The following KIDINS220 variants were observed in gnomAD, a reference collection of about 807,000 sequenced individuals.
The protein encoded by KIDINS220 is kinase D interacting substrate 220.
KIDINS220 carries 63 observed loss-of-function variants against 157.6 expected under a neutral mutation model. The ratio of observed to expected loss-of-function variants is 0.40; its 90% CI spans 0.33 to 0.49. The LOEUF is 0.49. Among genes scored for constraint, KIDINS220 ranks in the 20% least tolerant of loss-of-function variants. The pLI is 0.66. For synonymous variants in KIDINS220, 732 were observed against 783.6 expected (o/e 0.93, Z 1.10); for missense variants, 1,772 against 2,171.2 (o/e 0.82, Z 3.65).
At chr2:8,819,965 C>T (rs1677680416) in intron 2 of KIDINS220, among the ~76,000 whole-genome samples, 1 of 152,204 alleles carries the variant, frequency 6.6e-6, no homozygotes, top group Admixed American at 6.5e-5. Context: ...CACTTAAACA[C>T]CTACTTACTA....
At chr2:8,746,737 G>A (rs1030795641) in intron 26 of KIDINS220, 3 of 166,464 alleles carry the variant, frequency 1.8e-5, no homozygotes, top group African/African-American at 7.2e-5. Context: ...TAGTCTCAAG[G>A]GTGATACTGG....
chr2:8,771,874 G>C (rs1035251830), intron 21 of KIDINS220, among the ~76,000 whole-genome samples: 25 of 152,008 alleles, frequency 1.6e-4, no homozygotes, highest in Admixed American at 6.6e-4. Flanking sequence ...CTATGCTGGA[G>C]ATATACACAC....
rs202036173 is a variant in KIDINS220 at position 8,731,309 on chromosome 2, G to A, written c.4727C>T (p.Ala1576Val). The A allele has an allele frequency of 9.5e-5, 153 of 1,614,064 alleles. 2 individuals carry two copies. In the Middle Eastern group the frequency reaches 9.9e-4, roughly 10 times the overall value. ...FIKAKEYLSD[A>V]LLDKKDSSDS... ...CGATGAATCCTTTTTGTCAAGGAGC[G>A]CATCCGATAAATACTCTTTGGCTTT... is the stretch of plus-strand genomic sequence containing the variant. The change falls in exon 30 of 30, where the codon GCG becomes GTG. Residue 1576 changes from alanine to valine, a missense_variant. By Grantham distance (64) the Ala-to-Val change is moderately conservative (BLOSUM62 0). Transcript: ENST00000256707. This position sits in a 1 kb window ranked among gnomAD's most constrained non-coding sequence, Gnocchi z 5.2.
chr2:8,732,582 T>C (rs1664274285), intron 29 of KIDINS220, among the ~76,000 whole-genome samples: 1 of 152,070 alleles, frequency 6.6e-6, no homozygotes, highest in South Asian at 2.1e-4. Flanking sequence ...GATCCCAGAA[T>C]AGCTAAGAAA....
Position 8,750,167 on chromosome 2 carries a change from G to A in KIDINS220, c.3359C>T (p.Pro1120Leu). 1.2e-6 allele frequency: 2 copies of A among 1,614,198 alleles called. No homozygotes were observed. The highest frequency in any genetic ancestry group is 1.7e-6 in the Non-Finnish European group (2 of 1,180,024). The stretch of plus-strand genomic sequence containing the variant: ...CATGCCGCTGTAATAGCTGCTGTGA[G>A]GCTGTGGTGACACCACTCCACCTGC... ...PFAGGVVSPQ[P>L]HSSYYSGMTG... Residue 1120 changes from proline (P) to leucine (L), a missense_variant, in exon 24 of 30, where the codon CCT (proline) becomes CTT (leucine). By Grantham distance (98) the Pro-to-Leu change is moderately conservative. Transcript: ENST00000256707.
downstream of KIDINS220, chr2:8,724,787 T>C (rs968199726): frequency 4.6e-5 from 7 of 152,196 alleles, no homozygotes; most frequent in African/African-American, 1.7e-4. This position sits in a 1 kb window ranked among gnomAD's most constrained non-coding sequence, Gnocchi z 4.6. Flanking sequence ...CCACCATTCC[T>C]GGCTAATTTT....
At chr2:8,834,879 T>C (rs900840120) in intron 1 of KIDINS220, among the ~76,000 whole-genome samples, 1 of 152,196 alleles carries the variant, frequency 6.6e-6, no homozygotes, top group Non-Finnish European at 1.5e-5. Flanking sequence ...TCTGGCTCTA[T>C]TGCCCAGGAT....
At chr2:8,815,797 C>CT (rs1553335654) in intron 4 of KIDINS220, among the ~76,000 whole-genome samples, 3 of 152,194 alleles carry the variant, frequency 2.0e-5, no homozygotes, top group Non-Finnish European at 4.4e-5. Flanking sequence ...TATAGTGTAG[C>CT]TTTATATTTC....
rs1270249056 is a variant in KIDINS220, at chr2:8,751,506, G to A, written c.3150C>T (p.Cys1050=). ...GTAGTTTGGGATCTAGGTTTACAGT[G>A]CATGGCAAAAAGACTTTTACATCTC... The part of the protein sequence containing the change: ...VARDVKVFLP[C]TVNLDPKLRE... Residue 1050 remains cysteine, a synonymous_variant, in exon 23 of 30, where the codon TGC becomes TGT. Transcript: ENST00000256707. 6.2e-7 allele frequency: 1 copy of A among 1,613,340 alleles called. No homozygotes were observed.
intron 26 of KIDINS220, among the ~76,000 whole-genome samples, chr2:8,743,293 C>T (rs1289085220): frequency 1.3e-5 from 2 of 152,188 alleles, no homozygotes; most frequent in African/African-American, 2.4e-5. Context: ...TGAATCTAAA[C>T]TGATTGGAGT....
At chr2:8,753,177 A>G (rs1315553296) in intron 22 of KIDINS220, among the ~76,000 whole-genome samples, 2 of 152,188 alleles carry the variant, frequency 1.3e-5, no homozygotes, top group East Asian at 3.8e-4. Context: ...TAACAGATGG[A>G]AGGATAAATA....
rs1672954007 is a variant in KIDINS220, at chr2:8,789,875, C to T, written c.1621+5G>A. On this transcript the variant is annotated splice_donor_5th_base_variant and intron_variant, in intron 14 of 29. Transcript: ENST00000256707. ...TTTTGAAAAAGATAAAAAGCAAAGACTTACTAAAGAATATATATAAGAGAG... is the reference window on the plus strand; with the variant it reads ...TTTTGAAAAAGATAAAAAGCAAAGATTTACTAAAGAATATATATAAGAGAG... The T allele has an allele frequency of 6.3e-7, 1 of 1,575,640 alleles. No individual in the cohort carries two copies.
At chr2:8,781,878 T>C (rs1405729983) in intron 17 of KIDINS220, among the ~76,000 whole-genome samples, 1 of 152,150 alleles carries the variant, frequency 6.6e-6, no homozygotes, top group African/African-American at 2.4e-5. Context: ...TCCCAGCACT[T>C]TGGGAGGCCA....
intron 11 of KIDINS220, among the ~76,000 whole-genome samples, chr2:8,795,979 T>C (rs1558440261): frequency 6.6e-6 from 1 of 152,224 alleles, no homozygotes; most frequent in Non-Finnish European, 1.5e-5. Flanking sequence ...CATGTTAACA[T>C]GGTAATGACA....
At position 8,798,317 on chromosome 2, in the gene KIDINS220, AAC is replaced by A. The variant is rs1491087398; in HGVS notation, c.901-19_901-18del. ...TTTATTATCCTAGATAATTAAAAAA[AAC>A]ACAATCACTTCATGTAAGATACAAT... On this transcript the variant is annotated intron_variant, in intron 9 of 29. Coordinates refer to ENST00000256707, the MANE Select transcript of KIDINS220 (RefSeq NM_020738.4). 3.7e-6 allele frequency: 5 copies of A among 1,346,974 alleles called. No homozygotes were observed. In the African/African-American group the frequency reaches 7.2e-5, roughly 19 times the overall value. The allele number at this position is 1,346,974 out of a possible 1,614,324, so 83.4% of individuals were successfully genotyped here.
intron 3 of KIDINS220, 70 bp from the exon 4 acceptor site, chr2:8,817,786 T>C: frequency 9.7e-7 from 1 of 1,029,528 alleles, no homozygotes; most frequent in Non-Finnish European, 1.5e-6. Context: ...GAAAACTACA[T>C]TTGAACTTAC....
chr2:8,808,177 T>A (rs1675769835), intron 6 of KIDINS220, among the ~76,000 whole-genome samples: 1 of 152,036 alleles, frequency 6.6e-6, no homozygotes, highest in Non-Finnish European at 1.5e-5. Flanking sequence ...CATTCCTGCA[T>A]CTGTGGTTTT....
downstream of KIDINS220, among the ~76,000 whole-genome samples, chr2:8,728,081 G>A (rs1275178075): frequency 1.3e-5 from 2 of 152,214 alleles, no homozygotes; most frequent in African/African-American, 2.4e-5. Flanking sequence ...GGTGGCTCAT[G>A]CCTATAATCC....
Position 8,790,026 on chromosome 2 carries a change from T to C in KIDINS220, c.1475A>G (p.Glu492Gly). Reference sequence around the variant, plus strand: ...GAGCCATGAGAACTGAAAGAGAGGCTCAATCTGTTGTCCGGCGAAGGTTTT... The same window carrying C: ...GAGCCATGAGAACTGAAAGAGAGGCCCAATCTGTTGTCCGGCGAAGGTTTT... Reference protein sequence around the residue: ...EMKTFAGQQIEPLFQFSWLIV... With the variant: ...EMKTFAGQQIGPLFQFSWLIV... The change falls in exon 14 of 30, where the codon GAG becomes GGG. Residue 492 changes from glutamate (E) to glycine (G), a missense_variant. Around this residue, in one of 3 missense-constraint regions of KIDINS220, gnomAD observed 725 missense variants for 1,017.1 expected, o/e 0.71. Coordinates refer to ENST00000256707, the MANE Select transcript of KIDINS220 (RefSeq NM_020738.4). 1 of 1,604,018 alleles carries C rather than the reference T, an allele frequency of 6.2e-7. No individual in the cohort carries two copies. The highest frequency in any genetic ancestry group is 1.1e-5 in the South Asian group (1 of 88,210).
Sources: gnomAD v4.1 joint callset for allele counts (sites outside exome capture counted in the v4.1 genomes callset) on GRCh38, gnomAD v4.1.1 for gene constraint, gnomAD v4.1.1 regional missense constraint, Gnocchi (gnomAD v3.1) non-coding constraint, MANE v1.5 for transcripts, NCBI Gene and HGNC (gene_info 2026-07-23, HGNC 2026-07-21) for gene names.